The following LSAMP variants were observed in gnomAD, a reference collection of about 807,000 sequenced individuals.
The protein encoded by LSAMP is limbic system-associated membrane protein.
Under a neutral mutation model 38.6 loss-of-function variants are expected in LSAMP, and 7 were observed. The ratio of observed to expected loss-of-function variants is 0.18; its 90% CI spans 0.10 to 0.34. LSAMP has a LOEUF of 0.34. Ranked by LOEUF, LSAMP falls within the 10% of genes least tolerant of loss-of-function variation. The pLI, the probability that LSAMP is intolerant of heterozygous loss-of-function variation, is 1.00. For synonymous variants in LSAMP, 154 were observed against 166.8 expected, an observed-to-expected ratio of 0.92 and a Z score of 0.59; for missense variants, 313 against 420.0, an observed-to-expected ratio of 0.75 and a Z score of 2.23.
intron 1 of LSAMP, among the ~76,000 whole-genome samples, chr3:116,293,527 G>A (rs2107696614): frequency 6.6e-6 from 1 of 152,244 alleles, no homozygotes; most frequent in South Asian, 2.1e-4. Flanking sequence ...ATGGAGGATT[G>A]AATTTAGTCG....
intron 3 of LSAMP, among the ~76,000 whole-genome samples, chr3:115,953,316 T>C (rs1468275630): frequency 2.0e-5 from 3 of 152,062 alleles, no homozygotes; most frequent in Non-Finnish European, 4.4e-5. Context: ...GTCATGAATG[T>C]ATGTATGCAG....
intron 2 of LSAMP, among the ~76,000 whole-genome samples, chr3:116,085,867 T>G (rs924266578): frequency 3.3e-5 from 5 of 152,184 alleles, no homozygotes; most frequent in African/African-American, 1.2e-4. Context: ...GAAAATTTTA[T>G]TTTTTCAGAA....
chr3:115,882,572 C>T (rs1936349311), intron 3 of LSAMP, among the ~76,000 whole-genome samples: 1 of 152,028 alleles, frequency 6.6e-6, no homozygotes, highest in Non-Finnish European at 1.5e-5. Flanking sequence ...TTCCCATAGA[C>T]TCATATTTGA....
intron 1 of LSAMP, among the ~76,000 whole-genome samples, chr3:116,439,708 T>C (rs1317246343): frequency 6.6e-5 from 10 of 152,214 alleles, no homozygotes; most frequent in Admixed American, 5.9e-4. Flanking sequence ...CTAAAATAGA[T>C]AGTTTCAGCA....
intron 1 of LSAMP, among the ~76,000 whole-genome samples, chr3:116,393,251 A>G (rs1460280914): frequency 1.3e-5 from 2 of 152,158 alleles, no homozygotes; most frequent in Non-Finnish European, 2.9e-5. Context: ...GAACTCCCCA[A>G]GCCAGGGCTG....
chr3:115,820,542 G>C (rs908757669), intron 6 of LSAMP, among the ~76,000 whole-genome samples: 3 of 152,178 alleles, frequency 2.0e-5, no homozygotes, highest in Non-Finnish European at 2.9e-5. Context: ...ATTTATTTAA[G>C]CTAATCTGTC....
intron 3 of LSAMP, among the ~76,000 whole-genome samples, chr3:115,888,781 C>T (rs74984432): frequency 0.011 from 1,649 of 151,964 alleles, 75 homozygotes; most frequent in Admixed American, 0.083. Context: ...TGATCTCAGA[C>T]TGTTTGGAAG....
intron 3 of LSAMP, among the ~76,000 whole-genome samples, chr3:116,019,213 TGATA>T (rs950344500): frequency 9.2e-5 from 14 of 151,414 alleles, no homozygotes; most frequent in East Asian, 1.9e-4. Context: ...ATAGATCTCT[TGATA>T]GATAGATAGA....
chr3:116,232,701 T>TTTTTC (rs1553715837), intron 1 of LSAMP, among the ~76,000 whole-genome samples: 3 of 126,456 alleles, frequency 2.4e-5, no homozygotes, highest in African/African-American at 1.2e-4. Flanking sequence ...CTTTCTTTCT[T>TTTTTC]TTTTTTTTTT....
chr3:116,154,297 T>C (rs1709689963), intron 1 of LSAMP, among the ~76,000 whole-genome samples: 1 of 152,120 alleles, frequency 6.6e-6, no homozygotes, highest in Non-Finnish European at 1.5e-5. Flanking sequence ...CTTGGTACAC[T>C]ATGTACCTTG....
At chr3:115,967,986 C>T (rs1211014691) in intron 3 of LSAMP, among the ~76,000 whole-genome samples, 1 of 152,044 alleles carries the variant, frequency 6.6e-6, no homozygotes, top group Non-Finnish European at 1.5e-5. Flanking sequence ...ATCCTAGGCC[C>T]ACAGTGAGTA....
chr3:115,989,357 T>A (rs1342301505), intron 3 of LSAMP, among the ~76,000 whole-genome samples: 1 of 152,132 alleles, frequency 6.6e-6, no homozygotes, highest in Non-Finnish European at 1.5e-5. Flanking sequence ...AAAATATTAG[T>A]ATTCCGTAAA....
intron 1 of LSAMP, among the ~76,000 whole-genome samples, chr3:116,184,172 G>T (rs933852139): frequency 6.6e-6 from 1 of 151,832 alleles, no homozygotes; most frequent in South Asian, 2.1e-4. Context: ...TTCATCATCA[G>T]CTTCCTTATC....
chr3:116,178,050 T>G (rs546812227), intron 1 of LSAMP, among the ~76,000 whole-genome samples: 22 of 152,224 alleles, frequency 1.4e-4, no homozygotes, highest in African/African-American at 5.1e-4. Context: ...GGTTAGTAGG[T>G]AATAATACCT....
intron 6 of LSAMP, among the ~76,000 whole-genome samples, chr3:115,828,468 C>T (rs937266480): frequency 3.3e-5 from 5 of 152,194 alleles, no homozygotes; most frequent in African/African-American, 1.2e-4. Flanking sequence ...CTAAACACAA[C>T]AATGTTTCTC....
intron 3 of LSAMP, among the ~76,000 whole-genome samples, chr3:115,931,810 A>G (rs1937585073): frequency 6.6e-6 from 1 of 152,202 alleles, no homozygotes; most frequent in African/African-American, 2.4e-5. Context: ...TGAAGAGAAA[A>G]CTGTGACTCA....
intron 1 of LSAMP, among the ~76,000 whole-genome samples, chr3:116,178,165 A>G (rs1315193394): frequency 6.6e-6 from 1 of 151,874 alleles, no homozygotes; most frequent in African/African-American, 2.4e-5. Context: ...AAAAGGGAAG[A>G]GACTTAATTT....
rs1310867132 is a variant in LSAMP, at chr3:116,232,699, C to CTTTCT, written c.156-146144_156-146143insAGAAA. Among the ~76,000 whole-genome samples, 63 of 99,472 alleles carry CTTTCT rather than the reference C, an allele frequency of 6.3e-4. 1 individual carries two copies. The highest frequency in any genetic ancestry group is 2.1e-3 in the Admixed American group (16 of 7,506). 65.3% of individuals were successfully genotyped at this position (99,472 alleles called of 152,430 possible). On this transcript the variant is annotated intron_variant, in intron 1 of 6. Coordinates refer to ENST00000490035, the MANE Select transcript of LSAMP (RefSeq NM_002338.5). ...TTAATTTTCTTTTCTTTCTTTCTTT[C>CTTTCT]TTTTTTTTTTTTTTTTTCCAGCAGG...
At chr3:116,442,530 C>T (rs960003471) in intron 1 of LSAMP, among the ~76,000 whole-genome samples, 8 of 152,036 alleles carry the variant, frequency 5.3e-5, no homozygotes, top group Non-Finnish European at 1.0e-4. Context: ...GAAACTGACC[C>T]AGAAAGCTTA....
Sources: allele counts gnomAD v4.1 joint callset (sites outside exome capture counted in the v4.1 genomes callset), GRCh38; gene constraint gnomAD v4.1.1; transcripts MANE v1.5; gene names NCBI Gene and HGNC (gene_info 2026-07-23, HGNC 2026-07-21).